CNNM2: variants seen among roughly 807,000 people sequenced by gnomAD.
CNNM2 encodes cyclin and CBS domain divalent metal cation transport mediator 2.
CNNM2 carries 12 observed loss-of-function variants against 66.9 expected under a neutral mutation model. The observed-to-expected ratio is 0.18, with a 90% CI of 0.11 to 0.29. The LOEUF (loss-of-function observed/expected upper bound fraction) is 0.29, where lower values mean the gene tolerates loss of function less well. CNNM2 is among the 10% of genes least tolerant of loss of function. The pLI is 1.00. For missense variants in CNNM2, 705 were observed against 1,167.7 expected, an observed-to-expected ratio of 0.60 and a Z score of 5.77; for synonymous variants, 557 against 501.8, an observed-to-expected ratio of 1.11 and a Z score of -1.47.
chr10:102,939,740 A>G (rs977754149), intron 1 of CNNM2, among the ~76,000 whole-genome samples: 18 of 152,110 alleles, frequency 1.2e-4, no homozygotes, highest in African/African-American at 4.3e-4. Flanking sequence ...GCACTTTGGT[A>G]TGGACGAATC....
rs560243002 is a variant in CNNM2, at chr10:102,975,493, C to T, written c.1621+55392C>T. ...AGAAAAAAAAAAAAAAAAAAACAAACCTCCACAGAGTTAAACAGCCTTTTC... is the reference window on the plus strand; with the variant it reads ...AGAAAAAAAAAAAAAAAAAAACAAATCTCCACAGAGTTAAACAGCCTTTTC... On this transcript the variant is annotated intron_variant, in intron 1 of 7. Coordinates refer to ENST00000369878, the MANE Select transcript of CNNM2 (RefSeq NM_017649.5). 4.1e-4 allele frequency among the ~76,000 whole-genome samples: 45 copies of T among 110,392 alleles called. No individual in the cohort carries two copies. The East Asian group carries it at 0.011, about 26-fold the overall frequency. The allele number at this position is 110,392 out of a possible 152,430, so 72.4% of individuals were successfully genotyped here. A position where few individuals can be genotyped will look rare whatever the true frequency, so the allele number is the denominator to read the frequency against.
At chr10:102,963,780 G>A (rs2063419241) in intron 1 of CNNM2, among the ~76,000 whole-genome samples, 1 of 152,202 alleles carries the variant, frequency 6.6e-6, no homozygotes, top group Non-Finnish European at 1.5e-5. Context: ...GTTGCTTAAA[G>A]TCTGGTAGAG....
rs764467814 is a variant in CNNM2 at position 103,083,030 on chromosome 10, T to G, written c.*5850T>G. ...CTATCTGGGCTCTTAATATGCCTTT[T>G]CTTGGTTTTGAGGCCCAGTGCCAAC... On this transcript the variant is annotated 3_prime_UTR_variant, in exon 8 of 8. Coordinates refer to ENST00000369878, the MANE Select transcript of CNNM2 (RefSeq NM_017649.5). 5 of 152,212 alleles carry G rather than the reference T, an allele frequency of 3.3e-5. No individual in the cohort carries two copies. The highest frequency in any genetic ancestry group is 2.0e-4 in the Admixed American group (3 of 15,284). 9.4% of individuals were successfully genotyped at this position (152,212 alleles called of 1,614,324 possible).
intron 1 of CNNM2, among the ~76,000 whole-genome samples, chr10:103,020,419 G>A (rs935563672): frequency 6.6e-6 from 1 of 152,106 alleles, no homozygotes; most frequent in Admixed American, 6.5e-5. Flanking sequence ...GCCTCCCAAA[G>A]TGCTGGGATT....
chr10:102,919,656 G>C lies in CNNM2; in HGVS notation c.1176G>C (p.Pro392=), dbSNP rs1428243172. ...TGATGACCTTCCCCGCTTCCTACCC[G>C]GTCAGCAAGCTGCTGGACTGCGTCC... ...FMMMTFPASY[P]VSKLLDCVLG... is the part of the protein sequence containing the mutation. The change falls in exon 1 of 8, where the codon CCG becomes CCC. Residue 392 remains proline (P), a synonymous_variant. Transcript: ENST00000369878. 6.2e-7 allele frequency: 1 copy of C among 1,614,120 alleles called. No individual in the cohort carries two copies. The highest frequency in any genetic ancestry group is 1.1e-5 in the South Asian group (1 of 91,078).
intron 1 of CNNM2, among the ~76,000 whole-genome samples, chr10:102,994,978 C>A (rs1368282509): frequency 2.0e-5 from 3 of 152,086 alleles, no homozygotes; most frequent in African/African-American, 7.2e-5. Context: ...GCCAATCGAC[C>A]AAATGTTCCT....
chr10:103,047,912 ATTTTC>A (rs1441261647), intron 1 of CNNM2, among the ~76,000 whole-genome samples: 2 of 151,976 alleles, frequency 1.3e-5, no homozygotes, highest in Non-Finnish European at 1.5e-5. Context: ...CAAAATTTTA[ATTTTC>A]TTTTCTTTTT....
chr10:102,923,498 C>T (rs1845732148), intron 1 of CNNM2, among the ~76,000 whole-genome samples: 2 of 152,138 alleles, frequency 1.3e-5, no homozygotes, highest in Non-Finnish European at 2.9e-5. Context: ...GCTCTCTTAA[C>T]CTCTCTCTTA....
intron 5 of CNNM2, among the ~76,000 whole-genome samples, chr10:103,069,741 A>G (rs2065543067): frequency 6.6e-6 from 1 of 152,224 alleles, no homozygotes; most frequent in Admixed American, 6.5e-5. Flanking sequence ...CACGCTTGCT[A>G]TTAATACCTG....
rs573953033 is a variant in CNNM2, at chr10:102,934,344, G to A, written c.1621+14243G>A. Among the ~76,000 whole-genome samples the A allele has an allele frequency of 4.7e-4, 69 of 147,940 alleles. No homozygotes were observed. In the South Asian group the frequency reaches 0.01, roughly 22 times the overall value. ...GGCTGGAGTGCAAGTGCTGTGGTGC[G>A]ATCTCTGCTCACTGCAAACTCTGCC... On this transcript the variant is annotated intron_variant, in intron 1 of 7. Coordinates refer to ENST00000369878, the MANE Select transcript of CNNM2 (RefSeq NM_017649.5).
chr10:102,980,548 T>G (rs1401290793), intron 1 of CNNM2, among the ~76,000 whole-genome samples: 1 of 152,120 alleles, frequency 6.6e-6, no homozygotes, highest in Non-Finnish European at 1.5e-5. Context: ...GGATTATAGG[T>G]GTGAGGTGCC....
intron 6 of CNNM2, among the ~76,000 whole-genome samples, chr10:103,073,355 G>T (rs948552843): frequency 8.5e-5 from 13 of 152,206 alleles, no homozygotes; most frequent in Non-Finnish European, 1.5e-5. Flanking sequence ...GAAATGTTTT[G>T]TTTTTATAGC....
intron 1 of CNNM2, among the ~76,000 whole-genome samples, chr10:103,010,067 C>A (rs775864294): frequency 6.6e-6 from 1 of 151,296 alleles, no homozygotes; most frequent in African/African-American, 2.4e-5. Context: ...GAAATAATTA[C>A]AAAAGACTGC....
At chr10:102,994,737 A>G (rs1400791101) in intron 1 of CNNM2, among the ~76,000 whole-genome samples, 2 of 152,256 alleles carry the variant, frequency 1.3e-5, no homozygotes, top group African/African-American at 2.4e-5. Context: ...TACCCGTGAC[A>G]CTAGTTACTA....
At chr10:102,958,216 G>A (rs1163658315) in intron 1 of CNNM2, among the ~76,000 whole-genome samples, 1 of 152,106 alleles carries the variant, frequency 6.6e-6, no homozygotes, top group Non-Finnish European at 1.5e-5. Flanking sequence ...GATTACAGGT[G>A]TGAGCCACTG....
chr10:102,941,121 A>G (rs1399797993), intron 1 of CNNM2, among the ~76,000 whole-genome samples: 1 of 152,202 alleles, frequency 6.6e-6, no homozygotes, highest in Non-Finnish European at 1.5e-5. Flanking sequence ...GATTATCATT[A>G]AACTTCCAAG....
Position 102,934,365 on chromosome 10 carries a change from C to T in CNNM2, c.1621+14264C>T, listed in dbSNP as rs7094097. Among the ~76,000 whole-genome samples, 1,207 of 149,308 alleles carry T rather than the reference C, an allele frequency of 8.1e-3. 12 individuals carry two copies. The highest frequency in any genetic ancestry group is 0.027 in the African/African-American group (1,075 of 40,468). ...GTGCGATCTCTGCTCACTGCAAACT[C>T]TGCCTCCTGGGTTCAAGCGATTCTC... On this transcript the variant is annotated intron_variant, in intron 1 of 7. Transcript: ENST00000369878.
chr10:103,056,853 G>T lies in CNNM2; in HGVS notation c.1962G>T (p.Lys654Asn). 1 of 1,613,996 alleles carries T rather than the reference G, an allele frequency of 6.2e-7. No homozygotes were observed. The highest frequency in any genetic ancestry group is 8.5e-7 in the Non-Finnish European group (1 of 1,179,894). The stretch of plus-strand genomic sequence containing the variant: ...AGAAGATCCTTCTAAGGCTGCTAAA[G>T]CACCCCAATGTCATCCAGGAACTGA... ...MSEKILLRLL[K>N]HPNVIQELKY... The change falls in exon 4 of 8, where the codon AAG becomes AAT. Residue 654 changes from lysine to asparagine, a missense_variant. This residue lies in a region of CNNM2 where 171 missense variants were observed against 304.8 expected (regional missense o/e 0.56). Coordinates refer to ENST00000369878, the MANE Select transcript of CNNM2 (RefSeq NM_017649.5).
intron 1 of CNNM2, among the ~76,000 whole-genome samples, chr10:103,034,986 A>AAAAAAAAAAAAAAAAAC (rs2064907505): frequency 6.7e-6 from 1 of 149,284 alleles, no homozygotes; most frequent in Non-Finnish European, 1.5e-5. Context: ...AAAAAAAAAA[A>AAAAAAAAAAAAAAAAAC]AAAATCTCCT....
Sources: gnomAD v4.1 joint callset for allele counts (sites outside exome capture counted in the v4.1 genomes callset) on GRCh38, gnomAD v4.1.1 for gene constraint, gnomAD v4.1.1 regional missense constraint, MANE v1.5 for transcripts, NCBI Gene and HGNC (gene_info 2026-07-23, HGNC 2026-07-21) for gene names.